The following GRID2 variants were observed in gnomAD, a reference collection of about 807,000 sequenced individuals.
GRID2 encodes glutamate ionotropic receptor delta type subunit 2.
Under a neutral mutation model 114.8 loss-of-function variants are expected in GRID2, and 33 were observed. The ratio of observed to expected loss-of-function variants is 0.29; its 90% CI spans 0.22 to 0.38. The LOEUF (loss-of-function observed/expected upper bound fraction) is 0.38, where lower values mean the gene tolerates loss of function less well. Among genes scored for constraint, GRID2 ranks in the 10% least tolerant of loss-of-function variants. The pLI is 1.00. For missense variants in GRID2, 1,184 were observed against 1,257.7 expected (o/e 0.94, Z 0.89); for synonymous variants, 505 against 449.9 (o/e 1.12, Z -1.55).
At chr4:93,570,473 G>A (rs937198989) in intron 13 of GRID2, among the ~76,000 whole-genome samples, 1 of 152,176 alleles carries the variant, frequency 6.6e-6, no homozygotes, top group East Asian at 1.9e-4. Context: ...TGGTTAAGGG[G>A]CTGTCGGGGA....
At chr4:92,462,605 G>T (rs1465382771) in intron 1 of GRID2, among the ~76,000 whole-genome samples, 3 of 151,866 alleles carry the variant, frequency 2.0e-5, no homozygotes, top group African/African-American at 7.2e-5. Context: ...AAAATGGCTT[G>T]CTATTTATGG....
chr4:93,732,936 A>T (rs1578689493), intron 14 of GRID2, among the ~76,000 whole-genome samples: 4 of 151,698 alleles, frequency 2.6e-5, no homozygotes, highest in Admixed American at 2.6e-4. Flanking sequence ...AAAAAAAAAG[A>T]AGAGAAACTA....
intron 2 of GRID2, among the ~76,000 whole-genome samples, chr4:93,072,530 G>GC (rs1482852233): frequency 6.6e-6 from 1 of 152,092 alleles, no homozygotes; most frequent in Non-Finnish European, 1.5e-5. Flanking sequence ...AACTATGGCT[G>GC]CAGGGGACCA....
intron 11 of GRID2, among the ~76,000 whole-genome samples, chr4:93,467,834 TTAAC>T (rs1424505899): frequency 6.6e-6 from 1 of 152,218 alleles, no homozygotes; most frequent in East Asian, 1.9e-4. Context: ...TTTCTCTTAA[TTAAC>T]TACACTAATT....
At chr4:93,688,589 A>G (rs1015261328) in intron 14 of GRID2, among the ~76,000 whole-genome samples, 2 of 151,990 alleles carry the variant, frequency 1.3e-5, no homozygotes, top group Non-Finnish European at 2.9e-5. Flanking sequence ...TGTTATTTCT[A>G]TGCTTTGTAA....
At chr4:92,620,857 G>C (rs1415487015) in intron 2 of GRID2, among the ~76,000 whole-genome samples, 1 of 151,130 alleles carries the variant, frequency 6.6e-6, no homozygotes, top group Non-Finnish European at 1.5e-5. Flanking sequence ...ATGAGTTAAT[G>C]GGTGCAGCAT....
At chr4:93,361,421 A>C (rs1761866276) in intron 8 of GRID2, among the ~76,000 whole-genome samples, 1 of 151,736 alleles carries the variant, frequency 6.6e-6, no homozygotes, top group South Asian at 2.1e-4. Flanking sequence ...GGGCTGTATG[A>C]AGTCTACAAA....
intron 8 of GRID2, among the ~76,000 whole-genome samples, chr4:93,305,690 G>A (rs1044737080): frequency 6.6e-6 from 1 of 152,142 alleles, no homozygotes; most frequent in Non-Finnish European, 1.5e-5. Context: ...AATAATCTGA[G>A]GACCAAGTAA....
At chr4:93,498,397 G>T (rs866476799) in intron 12 of GRID2, among the ~76,000 whole-genome samples, 1 of 151,790 alleles carries the variant, frequency 6.6e-6, no homozygotes, top group East Asian at 1.9e-4. Context: ...GTCTCCTAAA[G>T]GTCCCCCTCT....
intron 4 of GRID2, among the ~76,000 whole-genome samples, chr4:93,149,677 A>T (rs1361997521): frequency 6.6e-6 from 1 of 152,106 alleles, no homozygotes; most frequent in Non-Finnish European, 1.5e-5. Flanking sequence ...TCTGTCACCA[A>T]AGCTGGAGTA....
At chr4:92,330,027 A>AGAGAGAGAGAGAGAGAGAGAGAGAC (rs1726801813) in intron 1 of GRID2, among the ~76,000 whole-genome samples, 1 of 63,870 alleles carries the variant, frequency 1.6e-5, no homozygotes, top group African/African-American at 6.2e-5. Flanking sequence ...GAGAGAGAGA[A>AGAGAGAGAGAGAGAGAGAGAGAGAC]ACATGCTAGA....
At chr4:92,559,215 C>T (rs1047572656) in intron 1 of GRID2, among the ~76,000 whole-genome samples, 1 of 152,004 alleles carries the variant, frequency 6.6e-6, no homozygotes, top group African/African-American at 2.4e-5. Flanking sequence ...GATTTTAAAG[C>T]ACATATAATT....
chr4:93,775,162 A>C (rs2110346481), downstream of GRID2, among the ~76,000 whole-genome samples: 1 of 145,974 alleles, frequency 6.9e-6, no homozygotes, highest in South Asian at 2.2e-4. Flanking sequence ...AAAAAAAAAT[A>C]GTTCTCTATT....
chr4:92,752,070 A>T (rs138262574), intron 2 of GRID2, among the ~76,000 whole-genome samples: 1 of 152,324 alleles, frequency 6.6e-6, no homozygotes, highest in Non-Finnish European at 1.5e-5. Context: ...TGCTTGGTAA[A>T]CACATGTTGG....
rs543591762 is a variant in GRID2, at chr4:93,678,424, G to T, written c.2360+51989G>T. 1.6e-3 allele frequency among the ~76,000 whole-genome samples: 243 copies of T among 152,102 alleles called. 1 individual carries two copies. The highest frequency in any genetic ancestry group is 5.6e-3 in the African/African-American group (231 of 41,434). ...AACATTCAGATTCAGGAAATACAGA[G>T]AATGCCACAAAGCTACTCCTCGAGA... On this transcript the variant is annotated intron_variant, in intron 14 of 15. Transcript: ENST00000282020.
chr4:92,434,053 T>C (rs771390429), intron 1 of GRID2, among the ~76,000 whole-genome samples: 2 of 152,230 alleles, frequency 1.3e-5, no homozygotes, highest in Non-Finnish European at 2.9e-5. Flanking sequence ...ACGATGTCCG[T>C]AAATTTAAAA....
chr4:92,608,026 C>T (rs1729542926), intron 2 of GRID2, among the ~76,000 whole-genome samples: 1 of 151,804 alleles, frequency 6.6e-6, no homozygotes, highest in Admixed American at 6.6e-5. Context: ...AAGTAGTAAG[C>T]TCTGCTTTCC....
chr4:92,836,290 C>A (rs1045019515), intron 2 of GRID2, among the ~76,000 whole-genome samples: 1 of 152,008 alleles, frequency 6.6e-6, no homozygotes, highest in Non-Finnish European at 1.5e-5. Flanking sequence ...GAAACTAAAG[C>A]TGAAAAATTA....
In GRID2 at chr4:93,589,375, C is replaced by T. The variant is rs894123174; in HGVS notation, c.2194-36894C>T. 1.9e-4 allele frequency among the ~76,000 whole-genome samples: 29 copies of T among 151,966 alleles called. No homozygotes were observed. In the East Asian group the frequency reaches 2.5e-3, roughly 13 times the overall value. ...ATTTCATCCATGTCCCTACAAAGGA[C>T]ATGAACTCATCATTTTTTATGGCTG... On this transcript the variant is annotated intron_variant, in intron 13 of 15. Coordinates refer to ENST00000282020, the MANE Select transcript of GRID2 (RefSeq NM_001510.4).
Sources: allele counts gnomAD v4.1 joint callset (sites outside exome capture counted in the v4.1 genomes callset), GRCh38; gene constraint gnomAD v4.1.1; transcripts MANE v1.5; gene names NCBI Gene and HGNC (gene_info 2026-07-23, HGNC 2026-07-21).